SRRM4: variants seen among roughly 807,000 people sequenced by gnomAD.
The protein encoded by SRRM4 is serine/arginine repetitive matrix 4, also known as serine/arginine repetitive matrix protein 4.
Under a neutral mutation model 68.9 loss-of-function variants are expected in SRRM4, and 33 were observed. The ratio of observed to expected loss-of-function variants is 0.48; its 90% CI spans 0.36 to 0.64. SRRM4 has a LOEUF of 0.64. Among genes scored for constraint, SRRM4 ranks in the 30% least tolerant of loss-of-function variants. The pLI, the probability that SRRM4 is intolerant of heterozygous loss-of-function variation, is 0.00. For missense variants in SRRM4, 817 were observed against 827.1 expected (o/e 0.99, Z 0.15); for synonymous variants, 318 against 318.8 (o/e 1.00, Z 0.03).
At chr12:119,098,708 C>T (rs1374739536) in intron 1 of SRRM4, among the ~76,000 whole-genome samples, 4 of 152,200 alleles carry the variant, frequency 2.6e-5, no homozygotes, top group Non-Finnish European at 5.9e-5. Flanking sequence ...TCTACCTTCT[C>T]CATCTCCTCA....
chr12:119,116,864 G>A, intron 3 of SRRM4, 73 bp from the exon 4 acceptor site: 1 of 1,285,938 alleles, frequency 7.8e-7, no homozygotes, highest in South Asian at 1.2e-5. Context: ...TAAGGACTGG[G>A]GAAGGTTCTT....
intron 1 of SRRM4, chr12:118,992,382 G>C (rs1387460242): frequency 6.6e-6 from 1 of 152,220 alleles, no homozygotes; most frequent in Non-Finnish European, 1.5e-5. Flanking sequence ...CCACTCGTCT[G>C]GGTATCCTGA....
intron 1 of SRRM4, chr12:119,036,794 T>C (rs1022630070): frequency 6.6e-6 from 1 of 152,284 alleles, no homozygotes; most frequent in African/African-American, 2.4e-5. Flanking sequence ...CCTCCAAGTG[T>C]TCTGTGATGC....
intron 1 of SRRM4, among the ~76,000 whole-genome samples, chr12:118,989,173 G>C (rs186175561): frequency 7.5e-6 from 1 of 134,130 alleles, no homozygotes; most frequent in East Asian, 2.1e-4. Context: ...TTCTCAAGCA[G>C]AGTTCCAGAT....
chr12:119,058,512 A>G (rs1013081120), intron 1 of SRRM4, among the ~76,000 whole-genome samples: 1 of 152,212 alleles, frequency 6.6e-6, no homozygotes, highest in Admixed American at 6.5e-5. Flanking sequence ...AAAGCTGGAA[A>G]TGGAATTTAG....
chr12:119,083,944 A>C (rs749179455), intron 1 of SRRM4, among the ~76,000 whole-genome samples: 1 of 152,228 alleles, frequency 6.6e-6, no homozygotes, highest in Non-Finnish European at 1.5e-5. Context: ...AAGACGTAGA[A>C]TTTGGGGTTA....
intron 7 of SRRM4, 89 bp downstream of exon 7, chr12:119,125,568 C>G (rs1954253288): frequency 8.8e-7 from 1 of 1,136,072 alleles, no homozygotes; most frequent in Non-Finnish European, 1.3e-6. Context: ...TCCACACTTC[C>G]AGCACAGGGT....
intron 1 of SRRM4, among the ~76,000 whole-genome samples, chr12:118,991,035 C>A (rs1430858387): frequency 6.6e-6 from 1 of 152,132 alleles, no homozygotes; most frequent in Admixed American, 6.5e-5. Flanking sequence ...GAACTCCTGA[C>A]CTCAGGTGAT....
intron 1 of SRRM4, among the ~76,000 whole-genome samples, chr12:119,075,884 GTGA>G (rs770017350): frequency 1.7e-4 from 22 of 126,710 alleles, no homozygotes; most frequent in Admixed American, 3.2e-4. Context: ...GATGGTAGTA[GTGA>G]TGATGATGGT....
At chr12:119,117,121 T>C (rs1239825116) in intron 4 of SRRM4, 113 bp downstream of exon 4, 7 of 889,766 alleles carry the variant, frequency 7.9e-6, no homozygotes, top group Non-Finnish European at 1.3e-5. Flanking sequence ...AAAACAATTA[T>C]CTATGTCTTT....
rs530847928 is a variant in SRRM4 at position 119,054,012 on chromosome 12, C to T, written c.132-48224C>T. ...CTATTTTCTTTACCCATAAACCATC[C>T]GCACCTCCCCGCTACCAACCTCCCC... On this transcript the variant is annotated intron_variant, in intron 1 of 12. Coordinates refer to ENST00000267260, the MANE Select transcript of SRRM4 (RefSeq NM_194286.4). Among the ~76,000 whole-genome samples, 34 of 152,210 alleles carry T rather than the reference C, an allele frequency of 2.2e-4. 1 individual carries two copies. The East Asian group carries it at 3.7e-3, about 16-fold the overall frequency.
At chr12:119,029,707 G>A (rs995034114) in intron 1 of SRRM4, among the ~76,000 whole-genome samples, 1 of 152,144 alleles carries the variant, frequency 6.6e-6, no homozygotes, top group Non-Finnish European at 1.5e-5. Flanking sequence ...TCTCCTACAC[G>A]TTTGTTTCTT....
Position 119,129,833 on chromosome 12 carries a change from A to G in SRRM4, c.615-845A>G, listed in dbSNP as rs574368113. On this transcript the variant is annotated intron_variant, in intron 7 of 12. Transcript: ENST00000267260. ...GGTAGATGGATGGATGAATGGCTGA[A>G]TGGTTAGATGGATGAATGGATGAAT... 1.8e-4 allele frequency among the ~76,000 whole-genome samples: 28 copies of G among 152,276 alleles called. No individual in the cohort carries two copies. In the East Asian group the frequency reaches 3.3e-3, roughly 18 times the overall value.
intron 3 of SRRM4, among the ~76,000 whole-genome samples, chr12:119,115,524 C>T (rs1187646901): frequency 6.6e-6 from 1 of 152,164 alleles, no homozygotes; most frequent in African/African-American, 2.4e-5. Flanking sequence ...TGGGCTTCAA[C>T]TCCAGGTTTT....
At chr12:119,004,375 A>G (rs753087122) in intron 1 of SRRM4, among the ~76,000 whole-genome samples, 2 of 152,030 alleles carry the variant, frequency 1.3e-5, no homozygotes, top group Non-Finnish European at 2.9e-5. Flanking sequence ...GAAGTTTTCT[A>G]TCTGTCTCCC....
chr12:119,115,481 G>T (rs930870565), intron 3 of SRRM4, among the ~76,000 whole-genome samples: 3 of 152,162 alleles, frequency 2.0e-5, no homozygotes, highest in South Asian at 4.1e-4. Context: ...ATAGAAACCT[G>T]TAGGGGGCAG....
intron 1 of SRRM4, among the ~76,000 whole-genome samples, chr12:119,091,307 G>A (rs1054030513): frequency 6.6e-6 from 1 of 152,186 alleles, no homozygotes; most frequent in African/African-American, 2.4e-5. Context: ...GCATTTCTAG[G>A]TTCCAGGATC....
At chr12:119,058,073 A>C (rs531911557) in intron 1 of SRRM4, among the ~76,000 whole-genome samples, 98 of 152,376 alleles carry the variant, frequency 6.4e-4, no homozygotes, top group African/African-American at 2.3e-3. Context: ...AAGAGGGAAC[A>C]GTAGGTGCAA....
chr12:119,026,091 C>T (rs1353611191), intron 1 of SRRM4, among the ~76,000 whole-genome samples: 6 of 151,776 alleles, frequency 4.0e-5, no homozygotes, highest in East Asian at 1.9e-4. Context: ...AAGATCTGGG[C>T]GGTAGATTCT....
Sources: allele counts gnomAD v4.1 joint callset (sites outside exome capture counted in the v4.1 genomes callset), GRCh38; gene constraint gnomAD v4.1.1; transcripts MANE v1.5; gene names NCBI Gene and HGNC (gene_info 2026-07-23, HGNC 2026-07-21).